The following KHDRBS2 variants were observed in gnomAD, a reference collection of about 807,000 sequenced individuals.
KHDRBS2 encodes the protein KH domain-containing, RNA-binding, signal transduction-associated protein 2.
KHDRBS2 carries 26 observed loss-of-function variants against 44.3 expected under a neutral mutation model. The ratio of observed to expected loss-of-function variants is 0.59; its 90% CI spans 0.43 to 0.81. The LOEUF (loss-of-function observed/expected upper bound fraction) is 0.81, where lower values mean the gene tolerates loss of function less well. Among genes scored for constraint, KHDRBS2 ranks in the 40% least tolerant of loss-of-function variants. The pLI, the probability that KHDRBS2 is intolerant of heterozygous loss-of-function variation, is 0.00. For synonymous variants in KHDRBS2, 194 were observed against 151.1 expected, an observed-to-expected ratio of 1.28 and a Z score of -2.08; for missense variants, 476 against 433.1, an observed-to-expected ratio of 1.10 and a Z score of -0.88.
rs746536476 is a variant in KHDRBS2, at chr6:61,732,771, C to CA, written c.811-8dup. Reference sequence around the variant, plus strand: ...CGTAGCCATCATCATAACCCTGAGACAAAAAAATGGTAGAAACACCTGTTA... The same window carrying CA: ...CGTAGCCATCATCATAACCCTGAGACAAAAAAAATGGTAGAAACACCTGTTA... On this transcript the variant is annotated splice_polypyrimidine_tract_variant and splice_region_variant and intron_variant, in intron 6 of 8. Coordinates refer to ENST00000281156, the MANE Select transcript of KHDRBS2 (RefSeq NM_152688.4). 7.8e-5 allele frequency: 120 copies of CA among 1,530,458 alleles called. 2 individuals are homozygous for CA. Among genetic ancestry groups the CA allele is most frequent in the African/African-American group, 6.7e-4 (49 of 72,984 alleles). The allele number at this position is 1,530,458 out of a possible 1,614,324, so 94.8% of individuals were successfully genotyped here.
chr6:62,071,049 T>C (rs957691958), intron 2 of KHDRBS2, among the ~76,000 whole-genome samples: 1 of 152,238 alleles, frequency 6.6e-6, no homozygotes, highest in Non-Finnish European at 1.5e-5. Flanking sequence ...TGTGAGATGG[T>C]ATCTCATTGT....
intron 3 of KHDRBS2, among the ~76,000 whole-genome samples, chr6:62,020,581 GC>G (rs1782076460): frequency 1.3e-5 from 2 of 151,110 alleles, no homozygotes; most frequent in Non-Finnish European, 3.0e-5. Context: ...ATTTATTAAT[GC>G]ACTTTTGACA....
At chr6:62,051,908 C>T (rs1397224141) in intron 2 of KHDRBS2, among the ~76,000 whole-genome samples, 1 of 151,698 alleles carries the variant, frequency 6.6e-6, no homozygotes, top group Non-Finnish European at 1.5e-5. Flanking sequence ...CAAGAAAATG[C>T]AAATCAAAAC....
At chr6:62,002,684 A>T (rs762177977) in intron 3 of KHDRBS2, among the ~76,000 whole-genome samples, 19 of 151,416 alleles carry the variant, frequency 1.3e-4, no homozygotes, top group Non-Finnish European at 1.5e-4. Flanking sequence ...ATTACAAAGA[A>T]GGTAATATAA....
the KHDRBS2 span, among the ~76,000 whole-genome samples, chr6:61,622,394 C>G: frequency 1.3e-5 from 2 of 152,114 alleles, no homozygotes; most frequent in Non-Finnish European, 2.9e-5. Context: ...CTGAACCTGA[C>G]AGTGGAGGAA....
At chr6:61,630,439 C>A in the KHDRBS2 span, 1 of 152,140 alleles carries the variant, frequency 6.6e-6, no homozygotes, top group African/African-American at 2.4e-5. Context: ...AGGCCCCCAG[C>A]AGCAACCACT....
the KHDRBS2 span, among the ~76,000 whole-genome samples, chr6:61,647,987 C>T: frequency 6.9e-4 from 105 of 152,140 alleles, 1 homozygote; most frequent in East Asian, 0.018. Flanking sequence ...CTTGGACCAA[C>T]CTTGCTCCCT....
chr6:61,703,893 A>C (rs567146899), intron 7 of KHDRBS2, among the ~76,000 whole-genome samples: 1 of 151,988 alleles, frequency 6.6e-6, no homozygotes, highest in South Asian at 2.1e-4. Flanking sequence ...GCTAATTCTG[A>C]TGGTTATCCT....
chr6:62,033,565 T>C (rs944571541), intron 3 of KHDRBS2, among the ~76,000 whole-genome samples: 1 of 151,714 alleles, frequency 6.6e-6, no homozygotes, highest in African/African-American at 2.4e-5. Context: ...TTAACATATT[T>C]GAAGTGCTGA....
the KHDRBS2 span, among the ~76,000 whole-genome samples, chr6:61,564,150 G>C: frequency 5.9e-5 from 9 of 152,046 alleles, no homozygotes; most frequent in African/African-American, 1.7e-4. Flanking sequence ...ATCTTAAAAA[G>C]CACTAATCAG....
chr6:62,098,261 T>TG (rs1491326009), intron 2 of KHDRBS2, among the ~76,000 whole-genome samples: 1 of 130,086 alleles, frequency 7.7e-6, no homozygotes, highest in Non-Finnish European at 1.7e-5. Context: ...TTTTTTTTTT[T>TG]GTTACAAGTT....
At chr6:61,660,266 G>A in the KHDRBS2 span, among the ~76,000 whole-genome samples, 6 of 151,814 alleles carry the variant, frequency 4.0e-5, no homozygotes, top group Non-Finnish European at 8.8e-5. Context: ...GTATGGATCA[G>A]ATTCAAGATG....
chr6:61,809,414 T>A (rs1268346149), intron 6 of KHDRBS2, among the ~76,000 whole-genome samples: 1 of 152,148 alleles, frequency 6.6e-6, no homozygotes, highest in East Asian at 1.9e-4. Flanking sequence ...TGGGCAACTT[T>A]TCATGCAAAA....
intron 6 of KHDRBS2, among the ~76,000 whole-genome samples, chr6:61,777,223 G>T (rs1201916120): frequency 6.6e-6 from 1 of 152,026 alleles, no homozygotes; most frequent in Non-Finnish European, 1.5e-5. Context: ...CACCAACATG[G>T]CACATGTATA....
the KHDRBS2 span, among the ~76,000 whole-genome samples, chr6:61,618,755 A>G: frequency 2.6e-5 from 4 of 152,206 alleles, no homozygotes; most frequent in Admixed American, 6.5e-5. Context: ...TAGTTTGCTA[A>G]GAATAATGGC....
intron 6 of KHDRBS2, among the ~76,000 whole-genome samples, chr6:61,843,198 C>T (rs1217472941): frequency 6.6e-6 from 1 of 151,764 alleles, no homozygotes. Flanking sequence ...GACGTGACTG[C>T]TAATGGGTAC....
chr6:61,865,303 T>G (rs1263050846), intron 6 of KHDRBS2, among the ~76,000 whole-genome samples: 1 of 152,142 alleles, frequency 6.6e-6, no homozygotes, highest in Non-Finnish European at 1.5e-5. Flanking sequence ...AAAGATATAC[T>G]AGAGACTGGA....
chr6:62,036,333 T>A (rs941194765), intron 3 of KHDRBS2, among the ~76,000 whole-genome samples: 1 of 151,962 alleles, frequency 6.6e-6, no homozygotes, highest in Non-Finnish European at 1.5e-5. Context: ...GTCCTATAAG[T>A]AATTTTACAA....
At chr6:61,950,311 T>C (rs1184466249) in intron 4 of KHDRBS2, among the ~76,000 whole-genome samples, 1 of 152,094 alleles carries the variant, frequency 6.6e-6, no homozygotes, top group Non-Finnish European at 1.5e-5. Context: ...TAAATGATCG[T>C]ATAGTAATCA....
Sources: allele counts gnomAD v4.1 joint callset (sites outside exome capture counted in the v4.1 genomes callset), GRCh38; gene constraint gnomAD v4.1.1; transcripts MANE v1.5; gene names NCBI Gene and HGNC (gene_info 2026-07-23, HGNC 2026-07-21).